The following TET3 variants were observed in gnomAD, a reference collection of about 807,000 sequenced individuals.
The protein encoded by TET3 is methylcytosine dioxygenase TET3.
Under a neutral mutation model 141.4 loss-of-function variants are expected in TET3, and 19 were observed. The ratio of observed to expected loss-of-function variants is 0.13; its 90% confidence interval spans 0.09 to 0.20. The LOEUF (loss-of-function observed/expected upper bound fraction) is 0.20. Among genes scored for constraint, TET3 ranks in the 10% least tolerant of loss-of-function variants. The probability of loss-of-function intolerance (pLI) is 1.00; values close to 1 mark genes in which losing one functional copy is unlikely to be tolerated. For synonymous variants in TET3, 1,043 were observed against 980.9 expected, an observed-to-expected ratio of 1.06 and a Z score of -1.18; for missense variants, 1,874 against 2,356.9, an observed-to-expected ratio of 0.80 and a Z score of 4.24.
the TET3 span, among the ~76,000 whole-genome samples, chr2:74,118,540 CTA>C: frequency 6.6e-6 from 1 of 152,012 alleles, no homozygotes; most frequent in African/African-American, 2.4e-5. Context: ...TACAAAATAA[CTA>C]TATTATCAGT....
chr2:74,022,468 C>T, intron 3 of TET3, among the ~76,000 whole-genome samples: 1 of 146,590 alleles, frequency 6.8e-6, no homozygotes, highest in African/African-American at 2.5e-5. Flanking sequence ...ACTCTGTTGC[C>T]CCGGCTGGAG....
the TET3 span, among the ~76,000 whole-genome samples, chr2:74,123,827 C>G: frequency 6.6e-6 from 1 of 151,666 alleles, no homozygotes; most frequent in Non-Finnish European, 1.5e-5. Flanking sequence ...TGTCTCTGCC[C>G]GGCCGCCCAT....
At chr2:74,027,064 C>G (rs549836403) in intron 3 of TET3, among the ~76,000 whole-genome samples, 1 of 152,328 alleles carries the variant, frequency 6.6e-6, no homozygotes, top group South Asian at 2.1e-4. Flanking sequence ...ACTTGTAACC[C>G]AGTAGGGAAA....
intron 10 of TET3, among the ~76,000 whole-genome samples, chr2:74,098,394 AAATG>A: frequency 6.6e-6 from 1 of 152,204 alleles, no homozygotes. Flanking sequence ...GTTAAGAAAA[AAATG>A]AAGCTATTAT....
intron 10 of TET3, among the ~76,000 whole-genome samples, chr2:74,095,764 G>A (rs1690787476): frequency 6.6e-6 from 1 of 152,240 alleles, no homozygotes; most frequent in Admixed American, 6.5e-5. Flanking sequence ...GACAGTAAGT[G>A]CTTTCAGACA....
At chr2:73,987,420 A>G (rs917937869) in intron 2 of TET3, among the ~76,000 whole-genome samples, 1 of 151,962 alleles carries the variant, frequency 6.6e-6, no homozygotes, top group African/African-American at 2.4e-5. Context: ...GGAGGGAAGG[A>G]GATTTGGGGT....
At chr2:74,035,055 A>AGCCAGGTATGGTGGCGGGCGCCTGTAGT (rs1181945802) in intron 3 of TET3, among the ~76,000 whole-genome samples, 11 of 146,784 alleles carry the variant, frequency 7.5e-5, no homozygotes, top group Admixed American at 6.1e-4. Context: ...AAAAAAAATC[A>AGCCAGGTATGGTGGCGGGCGCCTGTAGT]GCCAGGTATG....
At chr2:74,090,355 C>A (rs1690411553) in intron 8 of TET3, among the ~76,000 whole-genome samples, 1 of 152,236 alleles carries the variant, frequency 6.6e-6, no homozygotes, top group Admixed American at 6.5e-5. Context: ...TTGGCCCTCT[C>A]AGAGGTCATT....
the TET3 span, among the ~76,000 whole-genome samples, chr2:74,131,478 G>A: frequency 2.6e-5 from 4 of 152,268 alleles, no homozygotes; most frequent in South Asian, 6.2e-4. Context: ...TGTCTGGGTG[G>A]GGCTTTGCAG....
At chr2:74,057,312 C>T (rs1314145503) in intron 4 of TET3, among the ~76,000 whole-genome samples, 2 of 152,178 alleles carry the variant, frequency 1.3e-5, no homozygotes, top group African/African-American at 4.8e-5. Flanking sequence ...CAACCCTCAA[C>T]ATACACATAA....
At position 74,101,681 on chromosome 2, in the gene TET3, GGAGGAGGAA is replaced by G; in HGVS notation, c.4902_4910del (p.Glu1635_Glu1637del). Reference sequence around the variant, plus strand: ...AGGAGGAGAAGGGCGGTGGTGGTGCGGAGGAGGAAGAGGAGGAGCTGTGGTCGGACAGTG... The same window carrying G: ...AGGAGGAGAAGGGCGGTGGTGGTGCGGAGGAGGAGCTGTGGTCGGACAGTG... On this transcript the variant is annotated inframe_deletion, in exon 12 of 12. Transcript: ENST00000409262. This position sits in a 1 kb window ranked among gnomAD's most constrained non-coding sequence, Gnocchi z 8.5. The G allele has an allele frequency of 1.2e-6, 2 of 1,613,646 alleles. No homozygotes were observed. Among genetic ancestry groups the G allele is most frequent in the Non-Finnish European group, 1.7e-6 (2 of 1,179,872 alleles).
At chr2:74,075,445 C>T (rs1448524224) in intron 5 of TET3, among the ~76,000 whole-genome samples, 1 of 147,200 alleles carries the variant, frequency 6.8e-6, no homozygotes, top group Non-Finnish European at 1.5e-5. Context: ...TTTCCTGTCT[C>T]AGTCTCCCGA....
intron 3 of TET3, among the ~76,000 whole-genome samples, chr2:74,022,094 C>CTTTTT (rs34529157): frequency 2.4e-5 from 2 of 82,754 alleles, no homozygotes; most frequent in African/African-American, 5.1e-5. Flanking sequence ...TTCTAGGACA[C>CTTTTT]TTTTTTTTTT....
At chr2:74,008,467 T>A (rs1173556594) in intron 3 of TET3, among the ~76,000 whole-genome samples, 1 of 152,228 alleles carries the variant, frequency 6.6e-6, no homozygotes, top group Non-Finnish European at 1.5e-5. Context: ...TGCAAGAGAC[T>A]AAAGCTCCAT....
intron 2 of TET3, among the ~76,000 whole-genome samples, chr2:73,992,301 T>TTTTCTTTTTTTTTTCTTTTCTTTC (rs11267555): frequency 6.9e-6 from 1 of 145,424 alleles, no homozygotes; most frequent in African/African-American, 2.7e-5. Context: ...TCTTTTTTTC[T>TTTTCTTTTTTTTTTCTTTTCTTTC]TTTCTTTTTT....
downstream of TET3, among the ~76,000 whole-genome samples, chr2:74,109,527 T>A (rs1415704275): frequency 6.6e-6 from 1 of 152,204 alleles, no homozygotes; most frequent in African/African-American, 2.4e-5. Flanking sequence ...ATCACCAAAC[T>A]CTTTAACATC....
chr2:73,986,603 A>G lies in TET3; in HGVS notation c.200A>G (p.Glu67Gly), dbSNP rs1573615996. The change falls in exon 2 of 12, where the codon GAA (glutamate) becomes GGA (glycine). Residue 67 changes from glutamate (E) to glycine (G), a missense_variant. By Grantham distance (98) the Glu-to-Gly change is moderately conservative. Transcript: ENST00000409262. Reference protein sequence around the residue: ...CGTCEPCRRLENCGACTSCTN... With the variant: ...CGTCEPCRRLGNCGACTSCTN... The stretch of plus-strand genomic sequence containing the variant: ...ACTTGTGAGCCCTGCCGGCGGCTGG[A>G]AAACTGTGGCGCTTGCACTAGCTGT... 8.1e-7 allele frequency: 1 copy of G among 1,232,154 alleles called. No homozygotes were observed. Among genetic ancestry groups the G allele is most frequent in the Non-Finnish European group, 1.0e-6 (1 of 987,994 alleles). 76.3% of individuals were successfully genotyped at this position (1,232,154 alleles called of 1,614,324 possible).
In TET3 at chr2:74,102,110, C is replaced by T. The variant is rs1401175006; in HGVS notation, c.5322C>T (p.Asp1774=). 1 of 1,494,688 alleles carries T rather than the reference C, an allele frequency of 6.7e-7. No homozygotes were observed. The highest frequency in any genetic ancestry group is 8.9e-7 in the Non-Finnish European group (1 of 1,122,960). The allele number at this position is 1,494,688 out of a possible 1,614,324, so 92.6% of individuals were successfully genotyped here. A position where few individuals can be genotyped will look rare whatever the true frequency, so the allele number is the denominator to read the frequency against. The change falls in exon 12 of 12, where the codon GAC becomes GAT. Residue 1774 remains aspartate (D), a synonymous_variant. Transcript: ENST00000409262. ...PTRQALAVPT[D]SAVTVSSYAY... ...GGCAGGCACTGGCTGTGCCCACAGA[C>T]TCGGCGGTCACCGTGTCCTCCTATG...
At chr2:74,122,503 A>AT in the TET3 span, 7 of 69,484 alleles carry the variant, frequency 1.0e-4, no homozygotes, top group African/African-American at 4.5e-4. Flanking sequence ...ATATATATAT[A>AT]TATATATATT....
Sources: allele counts gnomAD v4.1 joint callset (sites outside exome capture counted in the v4.1 genomes callset), GRCh38; gene constraint gnomAD v4.1.1; non-coding constraint Gnocchi (gnomAD v3.1); transcripts MANE v1.5; gene names NCBI Gene and HGNC (gene_info 2026-07-23, HGNC 2026-07-21).